MAP2K2: variants seen among roughly 807,000 people sequenced by gnomAD.
The protein encoded by MAP2K2 is dual specificity mitogen-activated protein kinase kinase 2.
In MAP2K2, 24 loss-of-function variants were observed where a neutral mutation model predicts 43.7. That is an observed-to-expected ratio of 0.55 (90% CI 0.40 to 0.77). The LOEUF is 0.77. Ranked by LOEUF, MAP2K2 falls within the 30% of genes least tolerant of loss-of-function variation. The probability of loss-of-function intolerance (pLI) is 0.00; values close to 1 mark genes in which losing one functional copy is unlikely to be tolerated. For synonymous variants in MAP2K2, 244 were observed against 239.7 expected, an observed-to-expected ratio of 1.02 and a Z score of -0.17; for missense variants, 470 against 566.8, an observed-to-expected ratio of 0.83 and a Z score of 1.73.
rs141402203 is a variant in MAP2K2 at position 4,101,263 on chromosome 19, C to T, written c.546G>A (p.Ala182=). ...TGATCTGGTGCTTCTCTCGGAGGTA[C>T]GCCAAGCCCCGGAGAACCTGCAGGG... The part of the protein sequence containing the change: ...KVSIAVLRGL[A]YLREKHQIMH... Residue 182 remains alanine (A), a synonymous_variant, in exon 5 of 11, where the codon GCG becomes GCA. Transcript: ENST00000262948. The surrounding 1 kb of genome is among the most constrained non-coding windows in gnomAD (Gnocchi z 6.3). 202 of 1,582,646 alleles carry T rather than the reference C, an allele frequency of 1.3e-4. 2 individuals carry two copies. The highest frequency in any genetic ancestry group is 1.1e-3 in the African/African-American group (85 of 74,360).
chr19:4,092,198 T>C (rs2040860789), intron 10 of MAP2K2, among the ~76,000 whole-genome samples: 2 of 152,186 alleles, frequency 1.3e-5, no homozygotes, highest in East Asian at 1.9e-4. Context: ...CCTATCTTCC[T>C]AAAAGTCGGT....
At chr19:4,123,665 C>T in intron 1 of MAP2K2, 119 bp downstream of exon 1, 1 of 543,704 alleles carries the variant, frequency 1.8e-6, no homozygotes, top group Non-Finnish European at 2.9e-6. Flanking sequence ...ACCCCGTCCT[C>T]CCCCGTGACC....
Position 4,123,809 on chromosome 19 carries a change from A to G in MAP2K2, c.67T>C (p.Ser23Pro), listed in dbSNP as rs2145089801. 2 of 1,565,506 alleles carry G rather than the reference A, an allele frequency of 1.3e-6. No homozygotes were observed. The highest frequency in any genetic ancestry group is 1.7e-6 in the Non-Finnish European group (2 of 1,160,826). ...TINPTIAEGP[S>P]PTSEGASEAN... is the part of the protein sequence containing the mutation. Reference sequence around the variant, plus strand: ...TCGGAGGCGCCCTCGCTGGTAGGGGATGGGCCCTCGGCGATGGTAGGGTTG... The same window carrying G: ...TCGGAGGCGCCCTCGCTGGTAGGGGGTGGGCCCTCGGCGATGGTAGGGTTG... Residue 23 changes from serine (S) to proline (P), a missense_variant, in exon 1 of 11, where the codon TCC becomes CCC. By Grantham distance (74) the Ser-to-Pro change is moderately conservative. This residue lies in a region of MAP2K2 where 58 missense variants were observed against 48.0 expected (regional missense o/e 1.21). Coordinates refer to ENST00000262948, the MANE Select transcript of MAP2K2 (RefSeq NM_030662.4).
intron 8 of MAP2K2, among the ~76,000 whole-genome samples, chr19:4,096,395 A>G (rs1398994190): frequency 1.3e-5 from 2 of 152,168 alleles, no homozygotes; most frequent in Non-Finnish European, 2.9e-5. Context: ...AAGGGCCACC[A>G]AAGACACAGA....
intron 3 of MAP2K2, among the ~76,000 whole-genome samples, chr19:4,107,903 C>T (rs2041105383): frequency 6.6e-6 from 1 of 152,168 alleles, no homozygotes; most frequent in Admixed American, 6.5e-5. Flanking sequence ...CCCTCAGCTT[C>T]ACAGCAGAAG....
chr19:4,112,086 G>A (rs1872944557), intron 2 of MAP2K2, among the ~76,000 whole-genome samples: 1 of 152,234 alleles, frequency 6.6e-6, no homozygotes, highest in Non-Finnish European at 1.5e-5. Context: ...GAGGCTTTGG[G>A]ACGGCACCCT....
chr19:4,112,948 G>C (rs2041174455), intron 2 of MAP2K2, among the ~76,000 whole-genome samples: 1 of 152,202 alleles, frequency 6.6e-6, no homozygotes, highest in Admixed American at 6.6e-5. Context: ...TTCACACCGA[G>C]CCCTTGAAGC....
At chr19:4,113,254 G>T (rs558246016) in intron 2 of MAP2K2, among the ~76,000 whole-genome samples, 2 of 152,200 alleles carry the variant, frequency 1.3e-5, no homozygotes, top group African/African-American at 2.4e-5. Flanking sequence ...CTTCTGGAAG[G>T]CTGTAGTAAA....
chr19:4,090,642 G>A lies in MAP2K2; in HGVS notation c.1159C>T (p.Leu387=), dbSNP rs1172594212. 5 of 1,556,812 alleles carry A rather than the reference G, an allele frequency of 3.2e-6. No homozygotes were observed. In the African/African-American group the frequency reaches 5.4e-5, roughly 17 times the overall value. The part of the protein sequence containing the change: ...VDFAGWLCKT[L]RLNQPGTPTR... Reference sequence around the variant, plus strand: ...GGTGTGCCGGGCTGGTTCAGCCGCAGGGTTTTACACAACCAGCCGGCAAAA... The same window carrying A: ...GGTGTGCCGGGCTGGTTCAGCCGCAAGGTTTTACACAACCAGCCGGCAAAA... Residue 387 remains leucine, a synonymous_variant, in exon 11 of 11, where the codon CTG becomes TTG. Coordinates refer to ENST00000262948, the MANE Select transcript of MAP2K2 (RefSeq NM_030662.4).
intron 3 of MAP2K2, among the ~76,000 whole-genome samples, chr19:4,106,942 A>G (rs1222603010): frequency 1.3e-5 from 2 of 152,202 alleles, no homozygotes; most frequent in African/African-American, 2.4e-5. Flanking sequence ...GGGCACCTCT[A>G]CGAGGTCCGT....
chr19:4,102,109 C>T (rs2041020120), intron 4 of MAP2K2, among the ~76,000 whole-genome samples: 1 of 152,176 alleles, frequency 6.6e-6, no homozygotes, highest in Non-Finnish European at 1.5e-5. Context: ...CCACGAGGGG[C>T]AGAGGGGACC....
chr19:4,097,424 TC>T, intron 7 of MAP2K2, 81 bp from the exon 8 acceptor site: 1 of 1,074,078 alleles, frequency 9.3e-7, no homozygotes, highest in Non-Finnish European at 1.4e-6. Context: ...AGGGGGCTGA[TC>T]ACCACCAGGC....
At chr19:4,102,998 T>C (rs1241371122) in intron 3 of MAP2K2, 3 of 1,061,100 alleles carry the variant, frequency 2.8e-6, no homozygotes, top group Admixed American at 4.9e-5. Flanking sequence ...CCCAGGGGGC[T>C]CCCTCGCCAA....
Position 4,090,677 on chromosome 19 carries a change from T to C in MAP2K2, c.1124A>G (p.Glu375Gly). Reference sequence around the variant, plus strand: ...CAACCAGCCGGCAAAATCCACTTCTTCCACCTCGGACCGCTTGATGAAGGT... The same window carrying C: ...CAACCAGCCGGCAAAATCCACTTCTCCCACCTCGGACCGCTTGATGAAGGT... ...NHTFIKRSEV[E>G]EVDFAGWLCK... Residue 375 changes from glutamate (E) to glycine (G), a missense_variant, in exon 11 of 11, where the codon GAA (glutamate) becomes GGA (glycine). Transcript: ENST00000262948. 6.4e-7 allele frequency: 1 copy of C among 1,559,766 alleles called. No individual in the cohort carries two copies. The highest frequency in any genetic ancestry group is 8.7e-7 in the Non-Finnish European group (1 of 1,151,620).
chr19:4,117,110 G>C (rs567833807), intron 2 of MAP2K2, among the ~76,000 whole-genome samples: 1 of 152,290 alleles, frequency 6.6e-6, no homozygotes, highest in East Asian at 1.9e-4. Flanking sequence ...TTTCTCTGGA[G>C]AACCATAACA....
At position 4,102,096 on chromosome 19, in the gene MAP2K2, C is replaced by G. The variant is rs371108361; in HGVS notation, c.528+280G>C. ...CAACGTGCCAGCTGCCAACATCCCC[C>G]TGCCACGAGGGGCAGAGGGGACCAG... is the stretch of plus-strand genomic sequence containing the variant. On this transcript the variant is annotated intron_variant, in intron 4 of 10. Transcript: ENST00000262948. Among the ~76,000 whole-genome samples the G allele has an allele frequency of 1.8e-4, 28 of 152,310 alleles. 3 individuals carry two copies. The highest frequency in any genetic ancestry group is 7.8e-4 in the Admixed American group (12 of 15,304).
rs145743390 is a variant in MAP2K2, at chr19:4,090,579, G to C, written c.*19C>G. On this transcript the variant is annotated 3_prime_UTR_variant, in exon 11 of 11. Transcript: ENST00000262948. Reference sequence around the variant, plus strand: ...ACGGTGGGCAGGTCACCAGCGGGACGCAGGGAGCCCGGCCACTGTCACACG... The same window carrying C: ...ACGGTGGGCAGGTCACCAGCGGGACCCAGGGAGCCCGGCCACTGTCACACG... 1 of 1,540,106 alleles carries C rather than the reference G, an allele frequency of 6.5e-7. No homozygotes were observed. Among genetic ancestry groups the C allele is most frequent in the Admixed American group, 2.0e-5 (1 of 51,002 alleles).
At chr19:4,094,364 G>T (rs560216209) in intron 10 of MAP2K2, 89 bp downstream of exon 10, 14 of 1,408,924 alleles carry the variant, frequency 9.9e-6, no homozygotes, top group African/African-American at 1.4e-5. Flanking sequence ...CTGGCTCCCC[G>T]GGCAGGGCCA....
intron 3 of MAP2K2, chr19:4,103,284 CAG>C (rs1381145319): frequency 2.0e-6 from 2 of 982,798 alleles, no homozygotes; most frequent in Non-Finnish European, 2.4e-6. Flanking sequence ...AATGATGAAA[CAG>C]AAATTCCATG....
Sources: allele counts gnomAD v4.1 joint callset (sites outside exome capture counted in the v4.1 genomes callset), GRCh38; gene constraint gnomAD v4.1.1; regional missense constraint gnomAD v4.1.1; non-coding constraint Gnocchi (gnomAD v3.1); transcripts MANE v1.5; gene names NCBI Gene and HGNC (gene_info 2026-07-23, HGNC 2026-07-21).